COL4A2: variants seen among roughly 807,000 people sequenced by gnomAD.
COL4A2 encodes the protein collagen type IV alpha 2 chain, also known as collagen alpha-2(IV) chain.
COL4A2 carries 99 observed loss-of-function variants against 200.2 expected under a neutral mutation model. The ratio of observed to expected loss-of-function variants is 0.49; its 90% CI spans 0.42 to 0.58. COL4A2 has a LOEUF of 0.58. Ranked by LOEUF, COL4A2 falls within the 20% of genes least tolerant of loss-of-function variation. COL4A2 has a pLI of 0.00. For missense variants in COL4A2, 1,950 were observed against 2,314.1 expected, an observed-to-expected ratio of 0.84 and a Z score of 3.23; for synonymous variants, 897 against 900.6, an observed-to-expected ratio of 1.00 and a Z score of 0.07.
chr13:110,357,580 A>G, intron 4 of COL4A2, 28 bp downstream of exon 4: 8 of 1,557,692 alleles, frequency 5.1e-6, no homozygotes, highest in South Asian at 1.2e-5. Flanking sequence ...AATAAATAAT[A>G]TTATCTTCCT....
Position 110,512,400 on chromosome 13 carries a change from G to A in COL4A2, c.*209G>A. On this transcript the variant is annotated 3_prime_UTR_variant, in exon 48 of 48. Coordinates refer to ENST00000360467, the MANE Select transcript of COL4A2 (RefSeq NM_001846.4). ...CCCTGGAGGGCAAGCCCTGCCCACA[G>A]AAAGCCAGGAGCAGCCCTGGCCCCC... is the stretch of plus-strand genomic sequence containing the variant. 1.2e-6 allele frequency: 1 copy of A among 827,230 alleles called. No individual in the cohort carries two copies. Among genetic ancestry groups the A allele is most frequent in the Non-Finnish European group, 1.8e-6 (1 of 548,972 alleles). 51.2% of individuals were successfully genotyped at this position (827,230 alleles called of 1,614,324 possible).
intron 22 of COL4A2, among the ~76,000 whole-genome samples, chr13:110,461,220 G>T (rs909819451): frequency 2.6e-5 from 4 of 152,196 alleles, no homozygotes; most frequent in Non-Finnish European, 5.9e-5. Flanking sequence ...ACCATTTATT[G>T]TTCTCAATAT....
At chr13:110,332,047 C>A (rs1242788058) in intron 3 of COL4A2, among the ~76,000 whole-genome samples, 4 of 152,168 alleles carry the variant, frequency 2.6e-5, no homozygotes, top group African/African-American at 9.7e-5. Context: ...TTCATTAATT[C>A]TAAATTTTAC....
At chr13:110,484,336 C>T (rs902930360) in intron 32 of COL4A2, among the ~76,000 whole-genome samples, 1 of 152,170 alleles carries the variant, frequency 6.6e-6, no homozygotes, top group African/African-American at 2.4e-5. Context: ...ATTTCACTTA[C>T]TCCTCCAGTG....
chr13:110,409,486 G>A (rs777065761), intron 4 of COL4A2, among the ~76,000 whole-genome samples: 10 of 152,258 alleles, frequency 6.6e-5, no homozygotes, highest in Non-Finnish European at 1.3e-4. Flanking sequence ...AACACCAAAT[G>A]CGCAGGAAGC....
chr13:110,371,131 T>C (rs938884233), intron 4 of COL4A2, among the ~76,000 whole-genome samples: 2 of 152,346 alleles, frequency 1.3e-5, no homozygotes, highest in East Asian at 1.9e-4. Context: ...ATAAGATGCG[T>C]CCTTTAAAAC....
chr13:110,450,223 G>A lies in COL4A2; in HGVS notation c.1190-82G>A, dbSNP rs1360491715. On this transcript the variant is annotated intron_variant, in intron 19 of 47. Transcript: ENST00000360467. ...GGCCATGAAGCCCGCTAGTGCCCCA[G>A]TGGGCCCCTCTGGACACGAACACAA... 7.1e-6 allele frequency: 9 copies of A among 1,261,678 alleles called. No individual in the cohort carries two copies. The East Asian group carries it at 1.4e-4, about 20-fold the overall frequency. 78.2% of individuals were successfully genotyped at this position (1,261,678 alleles called of 1,614,324 possible).
chr13:110,309,857 GGC>G (rs1884923669), intron 3 of COL4A2, among the ~76,000 whole-genome samples: 1 of 152,164 alleles, frequency 6.6e-6, no homozygotes. Flanking sequence ...CGGGCTTGGT[GGC>G]GCTTGCCTGT....
At chr13:110,313,440 C>T (rs1038968858) in intron 3 of COL4A2, among the ~76,000 whole-genome samples, 20 of 152,100 alleles carry the variant, frequency 1.3e-4, no homozygotes, top group African/African-American at 2.7e-4. Context: ...TGCGAGCAGC[C>T]GGCGTCCACC....
chr13:110,347,399 C>A (rs1566485590), intron 3 of COL4A2, among the ~76,000 whole-genome samples: 4 of 152,204 alleles, frequency 2.6e-5, no homozygotes, highest in Admixed American at 2.6e-4. Context: ...TGCCATCATC[C>A]TCCCTTTGTG....
At position 110,512,113 on chromosome 13, in the gene COL4A2, G is replaced by A. The variant is rs772402884; in HGVS notation, c.5061G>A (p.Ser1687=). 5.0e-6 allele frequency: 8 copies of A among 1,613,500 alleles called. No individual in the cohort carries two copies. The highest frequency in any genetic ancestry group is 3.3e-5 in the South Asian group (3 of 91,080). ...TTIPEQSFQG[S]PSADTLKAGL... is the part of the protein sequence containing the mutation. ...TTCCCGAGCAGAGCTTCCAGGGCTC[G>A]CCCTCCGCCGACACGCTCAAGGCCG... Residue 1687 remains serine, a synonymous_variant, in exon 48 of 48, where the codon TCG becomes TCA. Coordinates refer to ENST00000360467, the MANE Select transcript of COL4A2 (RefSeq NM_001846.4).
At chr13:110,435,644 GTTC>G (rs1334147953) in intron 12 of COL4A2, among the ~76,000 whole-genome samples, 2 of 152,160 alleles carry the variant, frequency 1.3e-5, no homozygotes, top group Non-Finnish European at 2.9e-5. Context: ...AGACAATGAT[GTTC>G]TTTTGTGTCA....
chr13:110,423,166 G>A (rs764751849), intron 4 of COL4A2, among the ~76,000 whole-genome samples: 5 of 152,022 alleles, frequency 3.3e-5, no homozygotes, highest in Admixed American at 6.6e-5. Flanking sequence ...TAGGACATAC[G>A]TTTTTTTAAG....
At chr13:110,486,214 C>T (rs1883114520) in intron 34 of COL4A2, among the ~76,000 whole-genome samples, 1 of 152,236 alleles carries the variant, frequency 6.6e-6, no homozygotes, top group Non-Finnish European at 1.5e-5. Context: ...CTGGGCCCGG[C>T]AGCCTGGCTT....
At position 110,426,787 on chromosome 13, in the gene COL4A2, A is replaced by G. The variant is rs1035014438; in HGVS notation, c.361-1680A>G. ...TAATAGAGAAAAATTTAAACATTAC[A>G]GTTCATTTTAAGCAAAAGCATCACA... On this transcript the variant is annotated intron_variant, in intron 6 of 47. Coordinates refer to ENST00000360467, the MANE Select transcript of COL4A2 (RefSeq NM_001846.4). Among the ~76,000 whole-genome samples the G allele has an allele frequency of 3.3e-5, 5 of 152,268 alleles. No homozygotes were observed. The South Asian group carries it at 1.0e-3, about 31-fold the overall frequency.
chr13:110,464,188 A>C (rs959250440), intron 24 of COL4A2, among the ~76,000 whole-genome samples: 1 of 152,092 alleles, frequency 6.6e-6, no homozygotes, highest in African/African-American at 2.4e-5. Flanking sequence ...CTGTCCAGCC[A>C]TGGGGTTCAC....
Position 110,341,511 on chromosome 13 carries a change from T to C in COL4A2, c.100-15961T>C, listed in dbSNP as rs1214482085. 2.6e-5 allele frequency among the ~76,000 whole-genome samples: 4 copies of C among 152,230 alleles called. No individual in the cohort carries two copies. The South Asian group carries it at 8.3e-4, about 32-fold the overall frequency. On this transcript the variant is annotated intron_variant, in intron 3 of 47. Transcript: ENST00000360467. Reference sequence around the variant, plus strand: ...GGGCCTGCCTATTGGCTTTTAGATCTTAGCACTTAGCAGACTCTCAGAAGT... The same window carrying C: ...GGGCCTGCCTATTGGCTTTTAGATCCTAGCACTTAGCAGACTCTCAGAAGT...
chr13:110,440,335 G>T (rs1207176324), intron 16 of COL4A2, among the ~76,000 whole-genome samples: 1 of 152,172 alleles, frequency 6.6e-6, no homozygotes, highest in Non-Finnish European at 1.5e-5. Context: ...AGTGGCTCAT[G>T]CCTGTAATCC....
intron 3 of COL4A2, among the ~76,000 whole-genome samples, chr13:110,356,192 C>T (rs1221945185): frequency 6.6e-6 from 1 of 152,186 alleles, no homozygotes; most frequent in Middle Eastern, 3.2e-3. Flanking sequence ...GAACTCCCTC[C>T]ATTTCCCACT....
Sources: allele counts gnomAD v4.1 joint callset (sites outside exome capture counted in the v4.1 genomes callset), GRCh38; gene constraint gnomAD v4.1.1; transcripts MANE v1.5; gene names NCBI Gene and HGNC (gene_info 2026-07-23, HGNC 2026-07-21).